Variants in WBP2NL observed in about 807,000 individuals in gnomAD.
WBP2NL encodes WBP2 N-terminal like, also known as postacrosomal sheath WW domain-binding protein.
WBP2NL carries 27 observed loss-of-function variants against 23.3 expected under a neutral mutation model. The ratio of observed to expected loss-of-function variants is 1.16; its 90% CI spans 0.85 to 1.60. WBP2NL has a LOEUF of 1.60. WBP2NL is among the 40% of genes most tolerant of loss of function. The pLI is 0.00. For synonymous variants in WBP2NL, 151 were observed against 145.9 expected, an observed-to-expected ratio of 1.03 and a Z score of -0.25; for missense variants, 370 against 389.5, an observed-to-expected ratio of 0.95 and a Z score of 0.42.
chr22:42,050,672 C>A (rs1925807822), intron 8 of WBP2NL, among the ~76,000 whole-genome samples: 2 of 147,072 alleles, frequency 1.4e-5, no homozygotes, highest in South Asian at 2.2e-4. Flanking sequence ...AAAAAAAAAA[C>A]TAATTAAAAA....
At chr22:42,014,081 C>G (rs111939506) in intron 1 of WBP2NL, among the ~76,000 whole-genome samples, 1 of 151,792 alleles carries the variant, frequency 6.6e-6, no homozygotes, top group African/African-American at 2.4e-5. Context: ...CGCACCCCAC[C>G]GGCAAATTTT....
chr22:42,005,230 T>G (rs141605143), intron 1 of WBP2NL, among the ~76,000 whole-genome samples: 331 of 149,880 alleles, frequency 2.2e-3, no homozygotes, highest in African/African-American at 7.9e-3. Flanking sequence ...AATAAATAAA[T>G]AGGCCGGGCA....
chr22:42,019,228 A>AC, intron 1 of WBP2NL, 83 bp from the exon 2 acceptor site: 1 of 1,399,040 alleles, frequency 7.1e-7, no homozygotes, highest in South Asian at 1.3e-5. Context: ...CTCAAAAAAA[A>AC]AAAAAAATTG....
chr22:42,058,330 G>A (rs904830565), exon 9 of WBP2NL: 1 of 152,230 alleles, frequency 6.6e-6, no homozygotes, highest in East Asian at 1.9e-4. Context: ...TGCAGGAAGA[G>A]AGATGAAATA....
intron 4 of WBP2NL, 27 bp from the exon 5 acceptor site, chr22:42,022,221 TC>T: frequency 1.3e-6 from 2 of 1,587,086 alleles, no homozygotes; most frequent in South Asian, 2.2e-5. Flanking sequence ...TTAAAAGAGT[TC>T]CTATTTTGCC....
chr22:42,018,819 A>G (rs557910210), intron 1 of WBP2NL, among the ~76,000 whole-genome samples: 25 of 152,132 alleles, frequency 1.6e-4, no homozygotes, highest in Non-Finnish European at 3.1e-4. Context: ...ATTGTCAGAG[A>G]ATAAGATCAT....
chr22:42,002,549 A>G (rs1196430228), intron 1 of WBP2NL: 1 of 152,270 alleles, frequency 6.6e-6, no homozygotes, highest in Non-Finnish European at 1.5e-5. Flanking sequence ...AGATCATGAC[A>G]CTACACTCCA....
intron 1 of WBP2NL, among the ~76,000 whole-genome samples, chr22:42,011,265 T>C (rs1922786931): frequency 6.6e-6 from 1 of 152,182 alleles, no homozygotes; most frequent in Non-Finnish European, 1.5e-5. Context: ...TTTTCTCTTT[T>C]TGAGACAGGT....
At chr22:42,057,128 C>G (rs1914190547) in intron 8 of WBP2NL, among the ~76,000 whole-genome samples, 1 of 152,138 alleles carries the variant, frequency 6.6e-6, no homozygotes, top group Admixed American at 6.5e-5. Context: ...ATTCTTTCTT[C>G]CAATATTCTG....
intron 4 of WBP2NL, among the ~76,000 whole-genome samples, chr22:42,021,795 T>C (rs1236660227): frequency 6.7e-6 from 1 of 150,260 alleles, no homozygotes; most frequent in East Asian, 1.9e-4. Flanking sequence ...CTTTCTTTTT[T>C]TTTTTTTTTT....
chr22:41,999,015 C>G, intron 1 of WBP2NL, 135 bp downstream of exon 1: 1 of 1,050,856 alleles, frequency 9.5e-7, no homozygotes, highest in Non-Finnish European at 1.3e-6. Flanking sequence ...CCGCCCCCGA[C>G]CTTTGGGAGC....
chr22:42,020,209 T>C lies in WBP2NL; in HGVS notation c.406+113T>C, dbSNP rs1018739915. Reference sequence around the variant, plus strand: ...TGTTTTGTTGTTTTTGAGACAGGGATTTTTGTATTTTTGTAAGTCGGGGTT... The same window carrying C: ...TGTTTTGTTGTTTTTGAGACAGGGACTTTTGTATTTTTGTAAGTCGGGGTT... On this transcript the variant is annotated intron_variant, in intron 4 of 5. Coordinates refer to ENST00000328823, the MANE Select transcript of WBP2NL (RefSeq NM_152613.3). 36 of 1,021,314 alleles carry C rather than the reference T, an allele frequency of 3.5e-5. No homozygotes were observed. In the African/African-American group the frequency reaches 5.8e-4, roughly 17 times the overall value. The allele number at this position is 1,021,314 out of a possible 1,614,324, so 63.3% of individuals were successfully genotyped here.
At chr22:42,047,866 CCA>C (rs937005581) in intron 8 of WBP2NL, among the ~76,000 whole-genome samples, 2 of 151,418 alleles carry the variant, frequency 1.3e-5, no homozygotes, top group Non-Finnish European at 2.9e-5. Flanking sequence ...TGTGGTCCGC[CCA>C]ATCTCGGCCT....
intron 8 of WBP2NL, among the ~76,000 whole-genome samples, chr22:42,057,540 C>A (rs906139872): frequency 1.4e-5 from 2 of 139,180 alleles, no homozygotes; most frequent in African/African-American, 2.5e-5. Flanking sequence ...GCTGTTTCTA[C>A]TAGAATTCAA....
intron 1 of WBP2NL, among the ~76,000 whole-genome samples, chr22:42,013,340 T>C (rs764443677): frequency 2.0e-5 from 3 of 150,742 alleles, no homozygotes; most frequent in Admixed American, 2.0e-4. Flanking sequence ...GAGCCAAGAT[T>C]GTGCCATTGC....
intron 8 of WBP2NL, among the ~76,000 whole-genome samples, chr22:42,053,121 T>TA (rs1489409649): frequency 5.9e-5 from 9 of 152,356 alleles, no homozygotes; most frequent in African/African-American, 1.7e-4. Flanking sequence ...GGCTTTCACT[T>TA]AGCATAAAGT....
chr22:42,017,746 G>A (rs781175827), intron 1 of WBP2NL, among the ~76,000 whole-genome samples: 9 of 152,058 alleles, frequency 5.9e-5, no homozygotes, highest in Admixed American at 2.0e-4. Flanking sequence ...GTATGGTGGC[G>A]CATTCCTGTA....
chr22:42,044,106 G>A (rs983713547), intron 8 of WBP2NL, among the ~76,000 whole-genome samples: 1 of 152,110 alleles, frequency 6.6e-6, no homozygotes, highest in African/African-American at 2.4e-5. Flanking sequence ...TTGTCTTTTC[G>A]GTTTGGAGAA....
intron 8 of WBP2NL, among the ~76,000 whole-genome samples, chr22:42,049,731 A>AAC (rs1925762248): frequency 7.5e-6 from 1 of 132,870 alleles, no homozygotes; most frequent in African/African-American, 2.9e-5. Flanking sequence ...AAAAAAAAAA[A>AAC]TAGAACATTT....
Sources: gnomAD v4.1 joint callset for allele counts (sites outside exome capture counted in the v4.1 genomes callset) on GRCh38, gnomAD v4.1.1 for gene constraint, MANE v1.5 for transcripts, NCBI Gene and HGNC (gene_info 2026-07-23, HGNC 2026-07-21) for gene names.